CCDC179: variants seen among roughly 807,000 people sequenced by gnomAD.
The protein encoded by CCDC179 is coiled-coil domain containing 179.
In CCDC179, 17 loss-of-function variants were observed where a neutral mutation model predicts 12.0. That is an observed-to-expected ratio of 1.42 (90% confidence interval 0.97 to 2.13). The LOEUF (loss-of-function observed/expected upper bound fraction) is 2.13. Among genes scored for constraint, CCDC179 ranks in the 30% most tolerant of loss-of-function variants. The pLI, the probability that CCDC179 is intolerant of heterozygous loss-of-function variation, is 0.00. For missense variants in CCDC179, 83 were observed against 78.6 expected, an observed-to-expected ratio of 1.06 and a Z score of -0.21; for synonymous variants, 27 against 26.4, an observed-to-expected ratio of 1.02 and a Z score of -0.07.
At position 22,857,967 on chromosome 11, in the gene CCDC179, A is replaced by G; in HGVS notation, c.150T>C (p.Asn50=). Reference sequence around the variant, plus strand: ...TAGGAGAAGGCCTTGAAAACCTTTTATTCAGTCTCCTCTTCTCTTTCTTTA... The same window carrying G: ...TAGGAGAAGGCCTTGAAAACCTTTTGTTCAGTCTCCTCTTCTCTTTCTTTA... The part of the protein sequence containing the change: ...QHLKKEKRRL[N]KRFSRPSPIP... The change falls in exon 3 of 4, where the codon AAT becomes AAC. Residue 50 remains asparagine (N), a synonymous_variant. Coordinates refer to ENST00000532798, the MANE Select transcript of CCDC179 (RefSeq NM_001195637.2). 9.8e-6 allele frequency: 15 copies of G among 1,529,702 alleles called. No homozygotes were observed. Among genetic ancestry groups the G allele is most frequent in the Non-Finnish European group, 1.3e-5 (15 of 1,144,054 alleles). 94.8% of individuals were successfully genotyped at this position (1,529,702 alleles called of 1,614,324 possible).
intron 3 of CCDC179, among the ~76,000 whole-genome samples, chr11:22,853,665 G>A (rs1471396562): frequency 6.7e-6 from 1 of 150,140 alleles, no homozygotes; most frequent in East Asian, 2.0e-4. Flanking sequence ...AAAAAAAGAA[G>A]GAAGGAGGAG....
chr11:22,859,328 CA>C (rs1858608382), intron 2 of CCDC179, 123 bp downstream of exon 2: 2 of 496,820 alleles, frequency 4.0e-6, no homozygotes, highest in Admixed American at 4.1e-5. Flanking sequence ...CCCAGAGTCC[CA>C]AGAAATATAC....
chr11:22,848,151 A>G (rs1197355200), intron 3 of CCDC179, among the ~76,000 whole-genome samples: 2 of 152,244 alleles, frequency 1.3e-5, no homozygotes, highest in African/African-American at 2.4e-5. Flanking sequence ...AGGTTTTATT[A>G]TATAAAAGTT....
chr11:22,850,050 G>A (rs1013113371), intron 3 of CCDC179, among the ~76,000 whole-genome samples: 5 of 152,108 alleles, frequency 3.3e-5, no homozygotes, highest in Non-Finnish European at 7.4e-5. Context: ...GGGAAGGCTG[G>A]CCACCTCACT....
At chr11:22,859,616 A>C (rs780315984) in intron 1 of CCDC179, 120 bp from the exon 2 acceptor site, 4 of 487,300 alleles carry the variant, frequency 8.2e-6, no homozygotes, top group Non-Finnish European at 1.3e-5. Context: ...GAATCATTTC[A>C]ACTATAAGAA....
intron 3 of CCDC179, among the ~76,000 whole-genome samples, chr11:22,849,901 T>C (rs974124249): frequency 2.0e-5 from 3 of 151,776 alleles, no homozygotes; most frequent in African/African-American, 7.3e-5. Flanking sequence ...CTCTCTCTAG[T>C]GAGAGAGAGG....
At chr11:22,856,387 C>A (rs572030433) in intron 3 of CCDC179, among the ~76,000 whole-genome samples, 1 of 151,328 alleles carries the variant, frequency 6.6e-6, no homozygotes, top group African/African-American at 2.4e-5. Context: ...AAATTCATCA[C>A]GTCAAAAGGC....
chr11:22,859,471 G>A lies in CCDC179; in HGVS notation c.71C>T (p.Ser24Leu). 1 of 1,502,548 alleles carries A rather than the reference G, an allele frequency of 6.7e-7. No individual in the cohort carries two copies. The highest frequency in any genetic ancestry group is 8.9e-7 in the Non-Finnish European group (1 of 1,128,224). The allele number at this position is 1,502,548 out of a possible 1,614,324, so 93.1% of individuals were successfully genotyped here. A position where few individuals can be genotyped will look rare whatever the true frequency, so the allele number is the denominator to read the frequency against. ...CATTACCTGCCGCTCAGTGACCTCTGAAGGATGATGTTGTCTTGGTCCTTC... is the reference window on the plus strand; with the variant it reads ...CATTACCTGCCGCTCAGTGACCTCTAAAGGATGATGTTGTCTTGGTCCTTC... ...NPEGPRQHHP[S>L]EVTERQLANK... Residue 24 changes from serine (S) to leucine (L), a missense_variant, in exon 2 of 4, where the codon TCA (serine) becomes TTA (leucine). Physicochemically the swap from Ser to Leu is moderately radical, Grantham distance 145. Coordinates refer to ENST00000532798, the MANE Select transcript of CCDC179 (RefSeq NM_001195637.2).
chr11:22,854,365 A>G (rs1425662346), intron 3 of CCDC179, among the ~76,000 whole-genome samples: 2 of 152,006 alleles, frequency 1.3e-5, no homozygotes, highest in East Asian at 1.9e-4. Context: ...AATTGCAACA[A>G]TGTATGTGTT....
intron 3 of CCDC179, among the ~76,000 whole-genome samples, chr11:22,855,015 C>G (rs1391162528): frequency 1.3e-5 from 2 of 151,538 alleles, no homozygotes; most frequent in Non-Finnish European, 1.5e-5. Context: ...CATAGTAATC[C>G]TTAATGTGTT....
rs372189767 is a variant in CCDC179 at position 22,854,537 on chromosome 11, G to A, written c.195+3385C>T. Among the ~76,000 whole-genome samples, 328 of 151,644 alleles carry A rather than the reference G, an allele frequency of 2.2e-3. 4 individuals are homozygous for A. The highest frequency in any genetic ancestry group is 0.013 in the South Asian group (65 of 4,826). ...TATAAATGTATAGTTCAAATGCAAA[G>A]GAAACCACTGAAAAAGTTAAAAAAT... On this transcript the variant is annotated intron_variant, in intron 3 of 3. Coordinates refer to ENST00000532798, the MANE Select transcript of CCDC179 (RefSeq NM_001195637.2).
Position 22,857,371 on chromosome 11 carries a change from A to G in CCDC179, c.195+551T>C, listed in dbSNP as rs552923428. ...AATAAACCCACACAAATATATAGTC[A>G]ATAAATCTTTGATAAGGAAGCAAAG... On this transcript the variant is annotated intron_variant, in intron 3 of 3. Coordinates refer to ENST00000532798, the MANE Select transcript of CCDC179 (RefSeq NM_001195637.2). Among the ~76,000 whole-genome samples the G allele has an allele frequency of 2.6e-5, 4 of 151,840 alleles. No individual in the cohort carries two copies. The South Asian group carries it at 8.3e-4, about 31-fold the overall frequency.
chr11:22,860,273 C>T (rs1433908772), intron 1 of CCDC179, 104 bp downstream of exon 1: 3 of 1,320,932 alleles, frequency 2.3e-6, no homozygotes, highest in East Asian at 5.2e-5. Flanking sequence ...CACCAAACCA[C>T]ATTTACAAGA....
chr11:22,852,929 T>G (rs1287238861), intron 3 of CCDC179, among the ~76,000 whole-genome samples: 3 of 152,196 alleles, frequency 2.0e-5, no homozygotes, highest in Non-Finnish European at 4.4e-5. Flanking sequence ...TATGGAACCC[T>G]TCTTCCCCTA....
At chr11:22,853,470 A>G (rs904831082) in intron 3 of CCDC179, among the ~76,000 whole-genome samples, 1 of 152,142 alleles carries the variant, frequency 6.6e-6, no homozygotes, top group African/African-American at 2.4e-5. Context: ...TTTAATGGAA[A>G]TGAAGCATGA....
At chr11:22,854,039 A>C (rs1335074543) in intron 3 of CCDC179, among the ~76,000 whole-genome samples, 12 of 151,964 alleles carry the variant, frequency 7.9e-5, no homozygotes, top group African/African-American at 2.7e-4. Context: ...AAGAGAATGG[A>C]GTAAAATATT....
At chr11:22,854,390 G>C (rs1858487982) in intron 3 of CCDC179, among the ~76,000 whole-genome samples, 1 of 151,810 alleles carries the variant, frequency 6.6e-6, no homozygotes, top group South Asian at 2.1e-4. Flanking sequence ...ATATTTTATG[G>C]ACAAGTGAAT....
rs756747564 is a variant in CCDC179, at chr11:22,859,530, C to CA, written c.46-35dup. On this transcript the variant is annotated intron_variant, in intron 1 of 3. Coordinates refer to ENST00000532798, the MANE Select transcript of CCDC179 (RefSeq NM_001195637.2). ...TAAACAAAATTAAAACACATTCACACAAAAAAGTCATTAAAAACAGTAAAT... is the reference window on the plus strand; with the variant it reads ...TAAACAAAATTAAAACACATTCACACAAAAAAAGTCATTAAAAACAGTAAAT... 100 of 1,320,146 alleles carry CA rather than the reference C, an allele frequency of 7.6e-5. No homozygotes were observed. In the African/African-American group the frequency reaches 1.2e-3, roughly 15 times the overall value. The allele number at this position is 1,320,146 out of a possible 1,614,324, so 81.8% of individuals were successfully genotyped here.
chr11:22,847,081 G>A lies in CCDC179; in HGVS notation c.*429C>T, dbSNP rs548354584. 3 of 153,064 alleles carry A rather than the reference G, an allele frequency of 2.0e-5. No individual in the cohort carries two copies. The highest frequency in any genetic ancestry group is 6.5e-5 in the Admixed American group (1 of 15,276). 9.5% of individuals were successfully genotyped at this position (153,064 alleles called of 1,614,324 possible). Reference sequence around the variant, plus strand: ...GTTAGTTATAATAACAGTCTCCTAGGACTGTTTAAAGTATTTAAACATTTT... The same window carrying A: ...GTTAGTTATAATAACAGTCTCCTAGAACTGTTTAAAGTATTTAAACATTTT... On this transcript the variant is annotated 3_prime_UTR_variant, in exon 4 of 4. Transcript: ENST00000532798.
Sources: allele counts gnomAD v4.1 joint callset (sites outside exome capture counted in the v4.1 genomes callset), GRCh38; gene constraint gnomAD v4.1.1; transcripts MANE v1.5; gene names NCBI Gene and HGNC (gene_info 2026-07-23, HGNC 2026-07-21).